Variants in CSNK1G1 observed in about 807,000 individuals in gnomAD.
CSNK1G1 encodes casein kinase 1 gamma 1.
A neutral mutation model predicts 59.6 loss-of-function variants in CSNK1G1; 22 were observed. The ratio of observed to expected loss-of-function variants is 0.37; its 90% confidence interval spans 0.26 to 0.53. The LOEUF is 0.53. Ranked by LOEUF, CSNK1G1 falls within the 20% of genes least tolerant of loss-of-function variation. The pLI is 0.89. For missense variants in CSNK1G1, 384 were observed against 519.5 expected (o/e 0.74, Z 2.54); for synonymous variants, 179 against 177.1 (o/e 1.01, Z -0.08).
chr15:64,318,773 G>T (rs1896405739), intron 1 of CSNK1G1, among the ~76,000 whole-genome samples: 1 of 151,906 alleles, frequency 6.6e-6, no homozygotes, highest in Non-Finnish European at 1.5e-5. Context: ...AACGAGCCTG[G>T]CTAATTTTTG....
chr15:64,314,218 C>G (rs72756994), intron 1 of CSNK1G1, among the ~76,000 whole-genome samples: 6,759 of 152,214 alleles, frequency 0.044, 193 homozygotes, highest in South Asian at 0.085. Context: ...ATGGGTTCAA[C>G]AGATTCTCCC....
chr15:64,178,482 C>CTT (rs1175775132), intron 11 of CSNK1G1, among the ~76,000 whole-genome samples: 10,625 of 123,622 alleles, frequency 0.086, 812 homozygotes, highest in African/African-American at 0.18. Flanking sequence ...CAAAAATTTT[C>CTT]TTTTTTTTTT....
intron 1 of CSNK1G1, among the ~76,000 whole-genome samples, chr15:64,354,715 C>T (rs1898542833): frequency 6.6e-6 from 1 of 151,982 alleles, no homozygotes; most frequent in East Asian, 1.9e-4. Flanking sequence ...TCTTCTAATT[C>T]AAAGGTGGTT....
intron 2 of CSNK1G1, among the ~76,000 whole-genome samples, chr15:64,264,695 G>C (rs778233956): frequency 3.7e-4 from 57 of 152,168 alleles, no homozygotes; most frequent in Non-Finnish European, 7.9e-4. Context: ...GATGTATCCC[G>C]GGGATGTTAA....
intron 6 of CSNK1G1, among the ~76,000 whole-genome samples, chr15:64,209,413 G>T (rs1232062641): frequency 1.3e-5 from 2 of 152,228 alleles, no homozygotes; most frequent in East Asian, 1.9e-4. Flanking sequence ...GCATGAAAAA[G>T]AATAGTAGTC....
intron 1 of CSNK1G1, among the ~76,000 whole-genome samples, chr15:64,337,965 T>C (rs1897477413): frequency 6.6e-6 from 1 of 152,240 alleles, no homozygotes; most frequent in African/African-American, 2.4e-5. Context: ...ATAGCATGTG[T>C]CAGAATTTCC....
At chr15:64,189,496 A>C (rs773874057) in intron 10 of CSNK1G1, 1 of 1,225,538 alleles carries the variant, frequency 8.2e-7, no homozygotes, top group Non-Finnish European at 1.0e-6. Flanking sequence ...AAAATGAAAA[A>C]TGAGTAGTTG....
rs140362826 is a variant in CSNK1G1 at position 64,241,673 on chromosome 15, C to A, written c.292+9839G>T. ...AGGAACTTTAGAAACTGTATAAATA[C>A]ATGGAAATTCAACAACATGCTCCTG... On this transcript the variant is annotated intron_variant, in intron 4 of 11. Transcript: ENST00000303052. 7.7e-3 allele frequency among the ~76,000 whole-genome samples: 1,171 copies of A among 151,996 alleles called. 12 individuals carry two copies. The highest frequency in any genetic ancestry group is 0.027 in the African/African-American group (1,129 of 41,452).
chr15:64,221,492 C>T (rs780836876), intron 4 of CSNK1G1, among the ~76,000 whole-genome samples: 2 of 151,914 alleles, frequency 1.3e-5, no homozygotes, highest in Non-Finnish European at 2.9e-5. Flanking sequence ...TATTAAGTAC[C>T]CTGAGACCTC....
At chr15:64,294,621 T>C (rs1894913965) in intron 2 of CSNK1G1, among the ~76,000 whole-genome samples, 1 of 151,956 alleles carries the variant, frequency 6.6e-6, no homozygotes, top group Non-Finnish European at 1.5e-5. Context: ...TTTAAAAAGA[T>C]AGGGAAGGGC....
chr15:64,234,464 C>T (rs1046246326), intron 4 of CSNK1G1, among the ~76,000 whole-genome samples: 1 of 152,098 alleles, frequency 6.6e-6, no homozygotes, highest in Non-Finnish European at 1.5e-5. Flanking sequence ...CCTCACTTAA[C>T]AGAGGCTCAA....
At chr15:64,173,975 G>C (rs1055548501) in intron 11 of CSNK1G1, among the ~76,000 whole-genome samples, 2 of 152,114 alleles carry the variant, frequency 1.3e-5, no homozygotes, top group African/African-American at 4.8e-5. Flanking sequence ...TGAATGTCCT[G>C]AAATTAACAA....
chr15:64,311,117 G>C (rs1190633365), intron 1 of CSNK1G1, among the ~76,000 whole-genome samples: 1 of 151,142 alleles, frequency 6.6e-6, no homozygotes, highest in Non-Finnish European at 1.5e-5. Context: ...GTAGTGGCAT[G>C]ATCTCAGCTC....
At chr15:64,204,643 A>C in intron 8 of CSNK1G1, 54 bp from the exon 9 acceptor site, 2 of 1,569,338 alleles carry the variant, frequency 1.3e-6, no homozygotes, top group South Asian at 2.3e-5. Flanking sequence ...TTTCCATAGC[A>C]GTTGTGGGGA....
intron 2 of CSNK1G1, among the ~76,000 whole-genome samples, chr15:64,296,247 A>G (rs146693105): frequency 0.057 from 8,708 of 152,156 alleles, 757 homozygotes; most frequent in African/African-American, 0.19. Flanking sequence ...CAGCCTCCCA[A>G]GTAGCTAGGA....
chr15:64,173,619 C>CTTTTTTTTTTTTTTTTT (rs928192194), intron 11 of CSNK1G1, among the ~76,000 whole-genome samples: 3 of 108,564 alleles, frequency 2.8e-5, no homozygotes, highest in South Asian at 3.0e-4. Context: ...CTTTTCTTTT[C>CTTTTTTTTTTTTTTTTT]TTTTTTTTTT....
Position 64,201,752 on chromosome 15 carries a change from T to TG in CSNK1G1, c.1107+1329_1107+1330insC, listed in dbSNP as rs1555499653. 4.6e-5 allele frequency among the ~76,000 whole-genome samples: 5 copies of TG among 108,354 alleles called. No homozygotes were observed. The East Asian group carries it at 9.3e-4, about 20-fold the overall frequency. 71.1% of individuals were successfully genotyped at this position (108,354 alleles called of 152,430 possible). On this transcript the variant is annotated intron_variant, in intron 10 of 11. Coordinates refer to ENST00000303052, the MANE Select transcript of CSNK1G1 (RefSeq NM_022048.5). Reference sequence around the variant, plus strand: ...TGTGTGTGTGTGTGTGTGTGTGTGTTTATATACTATTCTTAACCTATATAC... The same window carrying TG: ...TGTGTGTGTGTGTGTGTGTGTGTGTTGTATATACTATTCTTAACCTATATAC...
chr15:64,198,347 AGGC>A (rs2082063120), intron 10 of CSNK1G1, among the ~76,000 whole-genome samples: 1 of 151,706 alleles, frequency 6.6e-6, no homozygotes, highest in African/African-American at 2.4e-5. Context: ...CTGAGATTAC[AGGC>A]GCCCACCACC....
At chr15:64,256,102 C>G (rs1453992704) in intron 3 of CSNK1G1, among the ~76,000 whole-genome samples, 1 of 152,138 alleles carries the variant, frequency 6.6e-6, no homozygotes, top group Non-Finnish European at 1.5e-5. Context: ...TCAAAGCAGC[C>G]AGGTATAGAA....
Sources: gnomAD v4.1 joint callset for allele counts (sites outside exome capture counted in the v4.1 genomes callset) on GRCh38, gnomAD v4.1.1 for gene constraint, MANE v1.5 for transcripts, NCBI Gene and HGNC (gene_info 2026-07-23, HGNC 2026-07-21) for gene names.